The following CLMN variants were observed in gnomAD, a reference collection of about 807,000 sequenced individuals.
The protein encoded by CLMN is calmin (calponin-like, transmembrane).
In CLMN, 57 loss-of-function variants were observed where a neutral mutation model predicts 92.7. The ratio of observed to expected loss-of-function variants is 0.61; its 90% CI spans 0.50 to 0.77. CLMN has a LOEUF of 0.77. Ranked by LOEUF, CLMN falls within the 30% of genes least tolerant of loss-of-function variation. The probability of loss-of-function intolerance (pLI) is 0.00; values close to 1 mark genes in which losing one functional copy is unlikely to be tolerated. For synonymous variants in CLMN, 466 were observed against 470.6 expected (o/e 0.99, Z 0.13); for missense variants, 1,158 against 1,237.5 (o/e 0.94, Z 0.96).
At chr14:95,293,666 G>A (rs1288856271) in intron 1 of CLMN, among the ~76,000 whole-genome samples, 7 of 151,860 alleles carry the variant, frequency 4.6e-5, no homozygotes, top group Middle Eastern at 3.4e-3. Context: ...GGTGTACTGC[G>A]CCCCCTGTCT....
At chr14:95,237,172 G>A (rs1468298581) in intron 1 of CLMN, among the ~76,000 whole-genome samples, 3 of 152,208 alleles carry the variant, frequency 2.0e-5, no homozygotes, top group African/African-American at 7.2e-5. Flanking sequence ...GTGCACGCCA[G>A]GTGCAAAAAA....
chr14:95,204,506 G>T, intron 8 of CLMN, 43 bp from the exon 9 acceptor site: 1 of 1,483,182 alleles, frequency 6.7e-7, no homozygotes, highest in South Asian at 1.4e-5. Flanking sequence ...AAAAACAAAA[G>T]AACAACAACA....
intron 1 of CLMN, among the ~76,000 whole-genome samples, chr14:95,291,118 C>T (rs188784530): frequency 5.3e-5 from 8 of 152,334 alleles, no homozygotes; most frequent in Non-Finnish European, 1.2e-4. Context: ...TAAAAAGAAA[C>T]CACCTTGGAA....
chr14:95,258,804 G>A (rs1423253763), intron 1 of CLMN, among the ~76,000 whole-genome samples: 1 of 148,658 alleles, frequency 6.7e-6, no homozygotes, highest in East Asian at 2.0e-4. Context: ...GTGTGGTGTG[G>A]TTGTATGTGG....
chr14:95,317,761 G>A (rs555305844), intron 1 of CLMN, among the ~76,000 whole-genome samples: 62 of 152,104 alleles, frequency 4.1e-4, no homozygotes, highest in Non-Finnish European at 7.1e-4. Flanking sequence ...CTAGGGTACT[G>A]GAAATCTACA....
At chr14:95,273,111 C>T (rs1899779342) in intron 1 of CLMN, among the ~76,000 whole-genome samples, 1 of 152,220 alleles carries the variant, frequency 6.6e-6, no homozygotes, top group Admixed American at 6.5e-5. Flanking sequence ...GATCCACGGA[C>T]AGTGAGGATG....
At chr14:95,231,401 T>C (rs1897884827) in intron 1 of CLMN, among the ~76,000 whole-genome samples, 2 of 152,212 alleles carry the variant, frequency 1.3e-5, no homozygotes, top group African/African-American at 4.8e-5. Flanking sequence ...AGTTTCACCA[T>C]GTTAGCCAGG....
intron 1 of CLMN, among the ~76,000 whole-genome samples, chr14:95,272,050 G>A (rs1899730816): frequency 6.6e-6 from 1 of 152,188 alleles, no homozygotes; most frequent in Admixed American, 6.5e-5. Context: ...CTTCTCTGTT[G>A]ATGGGCATGC....
intron 1 of CLMN, among the ~76,000 whole-genome samples, chr14:95,292,303 G>A: frequency 6.6e-6 from 1 of 152,150 alleles, no homozygotes. Flanking sequence ...CAGTGGACAT[G>A]TACTACTTTT....
At chr14:95,310,661 G>A (rs930097501) in intron 1 of CLMN, among the ~76,000 whole-genome samples, 1 of 152,220 alleles carries the variant, frequency 6.6e-6, no homozygotes, top group Non-Finnish European at 1.5e-5. Flanking sequence ...TCAGAGGCGG[G>A]CTCAGAGGGC....
chr14:95,196,088 G>A (rs987867725), intron 10 of CLMN, among the ~76,000 whole-genome samples: 1 of 152,204 alleles, frequency 6.6e-6, no homozygotes, highest in African/African-American at 2.4e-5. Context: ...TGGTGGAAAG[G>A]TGGATATGCT....
intron 1 of CLMN, among the ~76,000 whole-genome samples, chr14:95,292,831 G>C (rs977481906): frequency 7.9e-5 from 12 of 152,260 alleles, no homozygotes; most frequent in African/African-American, 2.6e-4. Context: ...AAAAGCGCAG[G>C]CCTGTGAGAG....
intron 1 of CLMN, among the ~76,000 whole-genome samples, chr14:95,308,500 T>A (rs1289864945): frequency 6.6e-6 from 1 of 152,222 alleles, no homozygotes; most frequent in Non-Finnish European, 1.5e-5. Context: ...TTCCTGGTTC[T>A]ACCACTCATT....
intron 8 of CLMN, among the ~76,000 whole-genome samples, chr14:95,208,954 G>A (rs967770980): frequency 6.6e-6 from 1 of 152,142 alleles, no homozygotes; most frequent in East Asian, 1.9e-4. Flanking sequence ...CAGCCACCAC[G>A]ATATCAAAGT....
intron 4 of CLMN, among the ~76,000 whole-genome samples, chr14:95,217,571 G>A (rs1480242231): frequency 1.3e-5 from 2 of 152,204 alleles, no homozygotes; most frequent in African/African-American, 2.4e-5. Flanking sequence ...CATTCATCAC[G>A]AGCGCAAGTC....
At chr14:95,220,303 C>G (rs568619704) in intron 4 of CLMN, among the ~76,000 whole-genome samples, 1 of 151,324 alleles carries the variant, frequency 6.6e-6, no homozygotes, top group Non-Finnish European at 1.5e-5. Flanking sequence ...CAGCCTCCCT[C>G]GTAGCTAGGA....
At chr14:95,268,375 TAA>T (rs35568472) in intron 1 of CLMN, among the ~76,000 whole-genome samples, 14,202 of 123,856 alleles carry the variant, frequency 0.11, 789 homozygotes, top group African/African-American at 0.17. Flanking sequence ...TTATGCTATG[TAA>T]AAAAAAAAAA....
intron 1 of CLMN, among the ~76,000 whole-genome samples, chr14:95,272,503 C>G (rs140926207): frequency 6.6e-6 from 1 of 152,156 alleles, no homozygotes; most frequent in East Asian, 1.9e-4. Context: ...GCCAGGGGCC[C>G]GGAATCTCAA....
chr14:95,278,444 A>G (rs901249456), intron 1 of CLMN, among the ~76,000 whole-genome samples: 1 of 151,828 alleles, frequency 6.6e-6, no homozygotes, highest in African/African-American at 2.4e-5. Context: ...TGATGCCCAC[A>G]TGAGAGGACA....
Sources: allele counts gnomAD v4.1 joint callset (sites outside exome capture counted in the v4.1 genomes callset), GRCh38; gene constraint gnomAD v4.1.1; transcripts MANE v1.5; gene names NCBI Gene and HGNC (gene_info 2026-07-23, HGNC 2026-07-21).